Variants in USH2A observed in about 807,000 individuals in gnomAD.
USH2A encodes the protein usherin.
A neutral mutation model predicts 538.9 loss-of-function variants in USH2A; 443 were observed. That is an observed-to-expected ratio of 0.82 (90% confidence interval 0.76 to 0.89). USH2A has a LOEUF of 0.89. USH2A is among the 40% of genes least tolerant of loss of function. USH2A has a pLI of 0.00. For missense variants in USH2A, 6,633 were observed against 6,324.8 expected (o/e 1.05, Z -1.65); for synonymous variants, 2,413 against 2,273.5 (o/e 1.06, Z -1.75).
intron 38 of USH2A, among the ~76,000 whole-genome samples, chr1:215,933,831 A>T (rs1666423866): frequency 6.6e-6 from 1 of 151,972 alleles, no homozygotes; most frequent in Non-Finnish European, 1.5e-5. Context: ...GAAAACACAC[A>T]TTCTTTAGCA....
At position 215,817,092 on chromosome 1, in the gene USH2A, A is replaced by C; in HGVS notation, c.9475T>G (p.Leu3159Val). ...TWYPCAKTQK[L>V]VQDQSDELCK... Reference sequence around the variant, plus strand: ...AGCTCATCACTCTGATCCTGCACTAACTTTTGAGTTTTAGCGCATGGATAC... The same window carrying C: ...AGCTCATCACTCTGATCCTGCACTACCTTTTGAGTTTTAGCGCATGGATAC... Residue 3159 changes from leucine to valine, a missense_variant, in exon 48 of 72, where the codon TTA (leucine) becomes GTA (valine). Coordinates refer to ENST00000307340, the MANE Select transcript of USH2A (RefSeq NM_206933.4). 6.2e-7 allele frequency: 1 copy of C among 1,612,856 alleles called. No homozygotes were observed. The highest frequency in any genetic ancestry group is 8.5e-7 in the Non-Finnish European group (1 of 1,179,122).
rs149948550 is a variant in USH2A at position 216,396,855 on chromosome 1, T to C, written c.651+21659A>G. 5.0e-3 allele frequency among the ~76,000 whole-genome samples: 759 copies of C among 152,270 alleles called. 10 individuals carry two copies. Among genetic ancestry groups the C allele is most frequent in the African/African-American group, 0.017 (719 of 41,530 alleles). ...TATCTGCCAAAATTCGTTGAAACTATGTAAAAAAAGTACAAATTGTATTAT... is the reference window on the plus strand; with the variant it reads ...TATCTGCCAAAATTCGTTGAAACTACGTAAAAAAAGTACAAATTGTATTAT... On this transcript the variant is annotated intron_variant, in intron 3 of 71. Transcript: ENST00000307340.
Position 216,321,923 on chromosome 1 carries a change from C to A in USH2A, c.1604G>T (p.Arg535Ile), listed in dbSNP as rs2037618958. ...GAAGCTCTCCTGGGAGCAGAGGCATCTATATGGCTGGCTTGTTGTGTCGCA... is the reference window on the plus strand; with the variant it reads ...GAAGCTCTCCTGGGAGCAGAGGCATATATATGGCTGGCTTGTTGTGTCGCA... ...DNCDTTSQPYRCLCSQESFTE... is the reference protein window; with the variant it reads ...DNCDTTSQPYICLCSQESFTE... The change falls in exon 9 of 72, where the codon AGA becomes ATA. Residue 535 changes from arginine to isoleucine, a missense_variant. Physicochemically the swap from Arg to Ile is moderately conservative, Grantham distance 97 (BLOSUM62 -3). Transcript: ENST00000307340. 6.2e-7 allele frequency: 1 copy of A among 1,613,742 alleles called. No homozygotes were observed. Among genetic ancestry groups the A allele is most frequent in the African/African-American group, 1.3e-5 (1 of 74,894 alleles).
chr1:215,655,741 TTTTTTTTTC>T (rs1262272405), intron 64 of USH2A, among the ~76,000 whole-genome samples: 2 of 144,726 alleles, frequency 1.4e-5, no homozygotes, highest in African/African-American at 5.1e-5. Context: ...TTTTTTTTTT[TTTTTTTTTC>T]TTTGAGACAG....
At chr1:216,145,514 G>T (rs2033678980) in intron 21 of USH2A, among the ~76,000 whole-genome samples, 1 of 152,114 alleles carries the variant, frequency 6.6e-6, no homozygotes, top group African/African-American at 2.4e-5. Flanking sequence ...ACTTGCTTTT[G>T]GCTTTAACAT....
At chr1:216,002,722 A>G (rs939904862) in intron 32 of USH2A, among the ~76,000 whole-genome samples, 4 of 152,002 alleles carry the variant, frequency 2.6e-5, no homozygotes, top group African/African-American at 7.2e-5. Context: ...TCTTTCTTAC[A>G]TTCTACTTTG....
chr1:215,753,851 A>G (rs1384814623), intron 58 of USH2A, among the ~76,000 whole-genome samples: 7 of 152,214 alleles, frequency 4.6e-5, no homozygotes, highest in Non-Finnish European at 1.0e-4. Context: ...TCCCAGAATC[A>G]TTTGGTTTTC....
At chr1:216,288,637 G>A (rs11590492) in intron 11 of USH2A, among the ~76,000 whole-genome samples, 9 of 151,806 alleles carry the variant, frequency 5.9e-5, no homozygotes, top group South Asian at 2.1e-4. Context: ...CTCCTTTACC[G>A]ATTTTCACAA....
intron 49 of USH2A, among the ~76,000 whole-genome samples, chr1:215,808,579 T>G (rs1662569123): frequency 6.6e-6 from 1 of 152,118 alleles, no homozygotes; most frequent in Non-Finnish European, 1.5e-5. Context: ...CCCTGTATAG[T>G]CACATTCCCT....
chr1:216,295,465 G>A (rs1571672551), intron 9 of USH2A, among the ~76,000 whole-genome samples: 2 of 151,718 alleles, frequency 1.3e-5, no homozygotes, highest in African/African-American at 4.8e-5. Context: ...AATTTTAATA[G>A]GTAATTATAT....
At chr1:216,208,989 G>C (rs1032691543) in intron 15 of USH2A, among the ~76,000 whole-genome samples, 2 of 152,148 alleles carry the variant, frequency 1.3e-5, no homozygotes, top group Non-Finnish European at 2.9e-5. Context: ...AAGGAAAGCA[G>C]GTGTTAAGCA....
At chr1:215,755,078 G>C (rs1205984498) in intron 58 of USH2A, among the ~76,000 whole-genome samples, 1 of 152,172 alleles carries the variant, frequency 6.6e-6, no homozygotes, top group Admixed American at 6.5e-5. Flanking sequence ...GCAATACCTA[G>C]ATCTGTTCCT....
intron 49 of USH2A, among the ~76,000 whole-genome samples, chr1:215,805,335 G>A (rs781487803): frequency 6.6e-6 from 1 of 151,732 alleles, no homozygotes; most frequent in Non-Finnish European, 1.5e-5. Context: ...GACACAAAAA[G>A]ACAAATATTG....
At chr1:215,916,848 ACACCTC>A (rs1000490136) in intron 38 of USH2A, among the ~76,000 whole-genome samples, 2 of 152,118 alleles carry the variant, frequency 1.3e-5, no homozygotes, top group Non-Finnish European at 2.9e-5. Context: ...CCAAGGTAAT[ACACCTC>A]CACCTCCACC....
chr1:216,039,468 T>C (rs2030164844), intron 32 of USH2A, among the ~76,000 whole-genome samples: 1 of 151,982 alleles, frequency 6.6e-6, no homozygotes, highest in African/African-American at 2.4e-5. Flanking sequence ...TACCTGGAAA[T>C]CCTCACATGC....
At chr1:216,125,810 AT>A (rs895351754) in intron 21 of USH2A, among the ~76,000 whole-genome samples, 10 of 152,260 alleles carry the variant, frequency 6.6e-5, no homozygotes, top group African/African-American at 2.2e-4. Context: ...CTTGGCCTCC[AT>A]TTCTTCATCT....
At chr1:216,415,840 T>C (rs1558078738) in intron 3 of USH2A, among the ~76,000 whole-genome samples, 1 of 152,052 alleles carries the variant, frequency 6.6e-6, no homozygotes, top group Non-Finnish European at 1.5e-5. Context: ...TTATTTCTTA[T>C]AACAACTTTT....
intron 49 of USH2A, among the ~76,000 whole-genome samples, chr1:215,804,875 G>A (rs955075885): frequency 2.6e-5 from 4 of 152,050 alleles, no homozygotes; most frequent in African/African-American, 9.7e-5. Flanking sequence ...CAAAGACTTG[G>A]AACCAACCCA....
intron 16 of USH2A, among the ~76,000 whole-genome samples, chr1:216,200,384 C>G (rs779073467): frequency 6.6e-6 from 1 of 152,004 alleles, no homozygotes; most frequent in African/African-American, 2.4e-5. Context: ...TTCATAGTGT[C>G]CTTTTGTTAG....
Sources: gnomAD v4.1 joint callset for allele counts (sites outside exome capture counted in the v4.1 genomes callset) on GRCh38, gnomAD v4.1.1 for gene constraint, MANE v1.5 for transcripts, NCBI Gene and HGNC (gene_info 2026-07-23, HGNC 2026-07-21) for gene names.